Variants in RCC1L observed in about 807,000 individuals in gnomAD.
The protein encoded by RCC1L is RCC1-like G exchanging factor-like protein.
RCC1L carries 46 observed loss-of-function variants against 58.6 expected under a neutral mutation model. The ratio of observed to expected loss-of-function variants is 0.79; its 90% CI spans 0.62 to 1.00. The LOEUF is 1.00. RCC1L is among the 50% of genes least tolerant of loss of function. The probability of loss-of-function intolerance (pLI) is 0.00; values close to 1 mark genes in which losing one functional copy is unlikely to be tolerated. For missense variants in RCC1L, 636 were observed against 623.6 expected, an observed-to-expected ratio of 1.02 and a Z score of -0.21; for synonymous variants, 281 against 262.9, an observed-to-expected ratio of 1.07 and a Z score of -0.67.
chr7:75,064,716 A>C, intron 3 of RCC1L, 68 bp from the exon 4 acceptor site: 1 of 1,565,428 alleles, frequency 6.4e-7, no homozygotes, highest in African/African-American at 1.4e-5. Context: ...GAGGACTGGA[A>C]GGGGTCTCGC....
In RCC1L at chr7:75,042,973, C is replaced by T; in HGVS notation, c.*59G>A. ...CCCGGGGGGCTGGCCACGCGCTGGC[C>T]TCTGCCAAGGAGTGCCAGTGGTTCC... On this transcript the variant is annotated 3_prime_UTR_variant, in exon 11 of 11. Transcript: ENST00000610322. 1.2e-6 allele frequency: 2 copies of T among 1,613,466 alleles called. No individual in the cohort carries two copies. Among genetic ancestry groups the T allele is most frequent in the Non-Finnish European group, 8.5e-7 (1 of 1,179,656 alleles).
intron 8 of RCC1L, chr7:75,056,830 C>A: frequency 8.6e-7 from 1 of 1,163,506 alleles, no homozygotes; most frequent in South Asian, 1.3e-5. Context: ...TAGTCCCTTC[C>A]TTTTTTGAAA....
At chr7:75,072,796 G>A (rs1554446339) in intron 1 of RCC1L, among the ~76,000 whole-genome samples, 2 of 152,086 alleles carry the variant, frequency 1.3e-5, no homozygotes, top group Non-Finnish European at 2.9e-5. Flanking sequence ...AGCAAACATG[G>A]CGAAACCCCA....
At chr7:75,063,106 T>A (rs1806327557) in intron 5 of RCC1L, among the ~76,000 whole-genome samples, 186 bp downstream of exon 5, 3 of 152,120 alleles carry the variant, frequency 2.0e-5, no homozygotes, top group African/African-American at 7.2e-5. Flanking sequence ...CCCCAAAATC[T>A]TATTAAACTT....
Position 75,057,603 on chromosome 7 carries a change from C to A in RCC1L, c.983G>T (p.Arg328Leu). ...VTDSTQVNVP[R>L]CLHFSGVGKV... is the part of the protein sequence containing the mutation. ...CCCCACTCCTGAGAAGTGTAAGCAG[C>A]GGGGCACATTCACCTGAACCAAAGA... Residue 328 changes from arginine to leucine, a missense_variant, in exon 8 of 11, where the codon CGC (arginine) becomes CTC (leucine). Physicochemically the swap from Arg to Leu is moderately radical, Grantham distance 102. Coordinates refer to ENST00000610322, the MANE Select transcript of RCC1L (RefSeq NM_030798.5). 6.2e-7 allele frequency: 1 copy of A among 1,613,872 alleles called. No individual in the cohort carries two copies. Among genetic ancestry groups the A allele is most frequent in the Non-Finnish European group, 8.5e-7 (1 of 1,179,830 alleles).
In RCC1L at chr7:75,056,749, G is replaced by A. The variant is rs1254194587; in HGVS notation, c.1058-675C>T. On this transcript the variant is annotated intron_variant, in intron 8 of 10. Transcript: ENST00000610322. ...TCTACAGATAAATCGCAGACTATTC[G>A]CTTTTTGTTAAGAACTTCATTCACA... The A allele has an allele frequency of 1.2e-5, 18 of 1,532,346 alleles. No individual in the cohort carries two copies. In the South Asian group the frequency reaches 1.3e-4, roughly 11 times the overall value. 94.9% of individuals were successfully genotyped at this position (1,532,346 alleles called of 1,614,324 possible).
In RCC1L at chr7:75,055,120, A is replaced by G. The variant is rs1043617978; in HGVS notation, c.1231+781T>C. ...CGGCCTGGATGTTTAAAAAGAAAAC[A>G]ATTACTTGCCATGAGATGAAAAGAT... is the stretch of plus-strand genomic sequence containing the variant. On this transcript the variant is annotated intron_variant, in intron 9 of 10. Transcript: ENST00000610322. Among the ~76,000 whole-genome samples, 170 of 152,358 alleles carry G rather than the reference A, an allele frequency of 1.1e-3. 1 individual carries two copies. Among genetic ancestry groups the G allele is most frequent in the Non-Finnish European group, 2.1e-3 (145 of 68,036 alleles).
At chr7:75,070,221 T>G (rs1407490411) in intron 2 of RCC1L, among the ~76,000 whole-genome samples, 2 of 152,160 alleles carry the variant, frequency 1.3e-5, no homozygotes, top group Non-Finnish European at 2.9e-5. Flanking sequence ...CAACATCCCT[T>G]TAAGTCTTCC....
At chr7:75,036,648 C>G (rs1441119397) in intron 10 of RCC1L, among the ~76,000 whole-genome samples, 3 of 151,866 alleles carry the variant, frequency 2.0e-5, no homozygotes, top group African/African-American at 7.2e-5. Flanking sequence ...AATCCCAGCA[C>G]TTTGGGAGGC....
chr7:75,036,368 C>CA (rs1805431136), intron 10 of RCC1L, among the ~76,000 whole-genome samples: 4 of 146,548 alleles, frequency 2.7e-5, no homozygotes, highest in African/African-American at 7.6e-5. Flanking sequence ...GTGACCTGCC[C>CA]GCTTAGCCTC....
intron 10 of RCC1L, among the ~76,000 whole-genome samples, chr7:75,049,991 G>A (rs1435357622): frequency 6.6e-6 from 1 of 152,160 alleles, no homozygotes; most frequent in Non-Finnish European, 1.5e-5. Context: ...GACAGGGGTC[G>A]AGGCCACTCC....
intron 9 of RCC1L, chr7:75,055,587 G>A (rs1301472367): frequency 7.5e-6 from 3 of 398,702 alleles, no homozygotes; most frequent in Admixed American, 3.7e-5. Flanking sequence ...GCCTCTGCTG[G>A]TTTCCTCCAG....
At chr7:75,036,378 C>T (rs1161080063) in intron 10 of RCC1L, among the ~76,000 whole-genome samples, 3 of 151,792 alleles carry the variant, frequency 2.0e-5, no homozygotes, top group Non-Finnish European at 4.4e-5. Flanking sequence ...CGCTTAGCCT[C>T]CCAAAGTGCT....
chr7:75,047,334 A>G (rs1477916027), intron 10 of RCC1L, among the ~76,000 whole-genome samples: 1 of 151,760 alleles, frequency 6.6e-6, no homozygotes, highest in South Asian at 2.1e-4. Context: ...TGGTGTGATC[A>G]TAGCTCACTG....
chr7:75,051,263 T>C lies in RCC1L; in HGVS notation c.1317+1448A>G, dbSNP rs1554443327. Among the ~76,000 whole-genome samples the C allele has an allele frequency of 4.2e-5, 6 of 144,320 alleles. 1 individual carries two copies. The allele number at this position is 144,320 out of a possible 152,430, so 94.7% of individuals were successfully genotyped here. ...ATATATATTTATATGTGTGTGTGTA[T>C]ATATACACACATATATACACACACA... is the stretch of plus-strand genomic sequence containing the variant. On this transcript the variant is annotated intron_variant, in intron 10 of 10. Coordinates refer to ENST00000610322, the MANE Select transcript of RCC1L (RefSeq NM_030798.5).
At chr7:75,037,416 T>C (rs1032295796), downstream of RCC1L, among the ~76,000 whole-genome samples, 447 of 152,192 alleles carry the variant, frequency 2.9e-3, 5 homozygotes, top group African/African-American at 0.01. Flanking sequence ...CTTGAACTCC[T>C]GACCTCAGGT....
intron 10 of RCC1L, among the ~76,000 whole-genome samples, chr7:75,047,646 T>TAA (rs1554442933): frequency 7.9e-5 from 12 of 151,470 alleles, no homozygotes; most frequent in Admixed American, 6.6e-4. Flanking sequence ...ATAAATAAAA[T>TAA]TATATATATA....
Position 75,042,382 on chromosome 7 carries a change from T to A in RCC1L, c.*650A>T, listed in dbSNP as rs1170321004. The A allele has an allele frequency of 9.1e-6, 9 of 985,816 alleles. No individual in the cohort carries two copies. The South Asian group carries it at 4.2e-4, about 46-fold the overall frequency. 61.1% of individuals were successfully genotyped at this position (985,816 alleles called of 1,614,324 possible). ...GCAGAGGAACTTGGCCTCGATTCTC[T>A]TCCTGAGGGGCTTCTTAACTTTTCC... On this transcript the variant is annotated 3_prime_UTR_variant, in exon 11 of 11. Transcript: ENST00000610322.
In RCC1L at chr7:75,073,409, T is replaced by C. The variant is rs1419886250; in HGVS notation, c.324+5A>G. On this transcript the variant is annotated splice_donor_5th_base_variant and intron_variant, in intron 1 of 10. Transcript: ENST00000610322. ...AGGAGAGAAGGAGGAAGCCGCGGCC[T>C]GCACCTTTTGGTCCAGCTCCAGGCG... 2.5e-6 allele frequency: 3 copies of C among 1,205,374 alleles called. No homozygotes were observed. The highest frequency in any genetic ancestry group is 2.0e-5 in the South Asian group (1 of 49,948). The allele number at this position is 1,205,374 out of a possible 1,614,324, so 74.7% of individuals were successfully genotyped here.
Sources: gnomAD v4.1 joint callset for allele counts (sites outside exome capture counted in the v4.1 genomes callset) on GRCh38, gnomAD v4.1.1 for gene constraint, MANE v1.5 for transcripts, NCBI Gene and HGNC (gene_info 2026-07-23, HGNC 2026-07-21) for gene names.